The following PHF21A variants were observed in gnomAD, a reference collection of about 807,000 sequenced individuals.
PHF21A encodes BHC80a.
Under a neutral mutation model 82.5 loss-of-function variants are expected in PHF21A, and 11 were observed. That is an observed-to-expected ratio of 0.13 (90% confidence interval 0.08 to 0.22). The LOEUF is 0.22. PHF21A is among the 10% of genes least tolerant of loss of function. The pLI is 1.00. For synonymous variants in PHF21A, 297 were observed against 302.8 expected (o/e 0.98, Z 0.20); for missense variants, 579 against 837.8 (o/e 0.69, Z 3.81).
At chr11:45,970,907 T>C (rs573628970) in intron 8 of PHF21A, 108 of 579,508 alleles carry the variant, frequency 1.9e-4, no homozygotes, top group South Asian at 3.8e-4. Flanking sequence ...ATGCACTGAA[T>C]TTAGTCCTTG....
At chr11:46,051,772 G>C (rs1225838138) in intron 6 of PHF21A, among the ~76,000 whole-genome samples, 1 of 152,194 alleles carries the variant, frequency 6.6e-6, no homozygotes, top group Non-Finnish European at 1.5e-5. Flanking sequence ...ATTGGATGAA[G>C]GAATGGACTT....
intron 6 of PHF21A, among the ~76,000 whole-genome samples, chr11:46,043,669 C>T (rs1246574374): frequency 1.3e-5 from 2 of 151,990 alleles, no homozygotes; most frequent in African/African-American, 2.4e-5. Context: ...AAGTCAGCAG[C>T]TTTTTCCTTC....
chr11:45,971,167 A>G lies in PHF21A; in HGVS notation c.561T>C (p.Thr187=), dbSNP rs2093718678. The change falls in exon 8 of 19, where the codon ACT becomes ACC. Residue 187 remains threonine (T), a synonymous_variant. Transcript: ENST00000676320. ...TTTGGACAGCCTCTGCCCCAGGCCCAGTGACCTTACTAGACGTCTGGAGGT... is the reference window on the plus strand; with the variant it reads ...TTTGGACAGCCTCTGCCCCAGGCCCGGTGACCTTACTAGACGTCTGGAGGT... ...PVNLQTSSKV[T]GPGAEAVQIV... 2.5e-6 allele frequency: 4 copies of G among 1,614,222 alleles called. No individual in the cohort carries two copies. Among genetic ancestry groups the G allele is most frequent in the Non-Finnish European group, 3.4e-6 (4 of 1,180,030 alleles).
chr11:46,059,627 GGT>G (rs1370859321), intron 6 of PHF21A, among the ~76,000 whole-genome samples: 1 of 151,844 alleles, frequency 6.6e-6, no homozygotes, highest in Non-Finnish European at 1.5e-5. Flanking sequence ...ATGTTGCCAT[GGT>G]GCCTAGGTTG....
rs543078640 is a variant in PHF21A, at chr11:45,943,103, C to A, written c.1452+2737G>T. ...ATCTCTGCTTCTTCCAAGCTATCATCATCATCATCTTTCTTTCCTTTTTTT... is the reference window on the plus strand; with the variant it reads ...ATCTCTGCTTCTTCCAAGCTATCATAATCATCATCTTTCTTTCCTTTTTTT... On this transcript the variant is annotated intron_variant, in intron 15 of 18. Transcript: ENST00000676320. 3.7e-4 allele frequency among the ~76,000 whole-genome samples: 55 copies of A among 148,164 alleles called. 2 individuals carry two copies. The highest frequency in any genetic ancestry group is 3.5e-3 in the Admixed American group (51 of 14,636).
chr11:45,949,343 G>T, intron 13 of PHF21A, 59 bp downstream of exon 13: 1 of 1,403,860 alleles, frequency 7.1e-7, no homozygotes, highest in Non-Finnish European at 1.0e-6. Flanking sequence ...GGGAGGCACT[G>T]AACAGCTCAT....
At chr11:46,099,014 C>T (rs566750621) in intron 1 of PHF21A, among the ~76,000 whole-genome samples, 2 of 152,122 alleles carry the variant, frequency 1.3e-5, no homozygotes, top group South Asian at 4.1e-4. Flanking sequence ...AAGGTCAATG[C>T]TAGATACCAG....
intron 1 of PHF21A, among the ~76,000 whole-genome samples, chr11:46,107,368 A>G (rs1028399924): frequency 2.0e-5 from 3 of 152,222 alleles, no homozygotes; most frequent in Non-Finnish European, 4.4e-5. Flanking sequence ...TCTGTACACT[A>G]TTAGACTAGA....
Position 46,079,675 on chromosome 11 carries a change from G to A in PHF21A, c.55-509C>T, listed in dbSNP as rs141622916. Among the ~76,000 whole-genome samples the A allele has an allele frequency of 2.5e-4, 38 of 152,254 alleles. No homozygotes were observed. The East Asian group carries it at 6.7e-3, about 27-fold the overall frequency. On this transcript the variant is annotated intron_variant, in intron 4 of 18. Coordinates refer to ENST00000676320, the MANE Select transcript of PHF21A (RefSeq NM_001352027.3). ...TCAAGAAGGAGTTCGGTGCAGGGGA[G>A]GATAAGTTCAGTGGGGCAGTGATGC... is the stretch of plus-strand genomic sequence containing the variant.
intron 6 of PHF21A, among the ~76,000 whole-genome samples, chr11:46,031,490 C>A (rs1166096704): frequency 1.3e-5 from 2 of 152,084 alleles, no homozygotes; most frequent in Non-Finnish European, 2.9e-5. Flanking sequence ...AACAGGAACC[C>A]AAAGATAGTA....
At chr11:46,049,199 A>C (rs1052581857) in intron 6 of PHF21A, among the ~76,000 whole-genome samples, 2 of 152,200 alleles carry the variant, frequency 1.3e-5, no homozygotes, top group African/African-American at 4.8e-5. Context: ...ACACAAACTA[A>C]TGTTGTTCCC....
chr11:45,999,443 A>C (rs2095039858), intron 6 of PHF21A, among the ~76,000 whole-genome samples: 1 of 152,256 alleles, frequency 6.6e-6, no homozygotes, highest in Admixed American at 6.5e-5. Context: ...AATAGCACAT[A>C]GTATATACTT....
At chr11:45,967,706 T>C (rs912059442) in intron 9 of PHF21A, among the ~76,000 whole-genome samples, 4 of 152,212 alleles carry the variant, frequency 2.6e-5, no homozygotes, top group African/African-American at 9.6e-5. Context: ...TCCTGTATCA[T>C]TCCAAGTAGA....
At chr11:46,074,435 C>T (rs1350562356) in intron 6 of PHF21A, among the ~76,000 whole-genome samples, 1 of 147,740 alleles carries the variant, frequency 6.8e-6, no homozygotes, top group African/African-American at 2.5e-5. Context: ...TAGGTTCTGC[C>T]AGAGGATAAG....
intron 6 of PHF21A, among the ~76,000 whole-genome samples, chr11:46,031,561 C>A (rs991532599): frequency 2.0e-5 from 3 of 152,084 alleles, no homozygotes; most frequent in African/African-American, 4.8e-5. Context: ...GCAGCCGGTA[C>A]GAATTCATTC....
At chr11:46,065,922 A>G (rs998980714) in intron 6 of PHF21A, among the ~76,000 whole-genome samples, 2 of 152,262 alleles carry the variant, frequency 1.3e-5, no homozygotes, top group African/African-American at 2.4e-5. Context: ...GGCTCACAGA[A>G]GAGAAACCAC....
intron 6 of PHF21A, among the ~76,000 whole-genome samples, chr11:46,035,283 A>T (rs1381937926): frequency 6.6e-6 from 1 of 152,126 alleles, no homozygotes; most frequent in Non-Finnish European, 1.5e-5. Flanking sequence ...TTCTCTACTG[A>T]TCTGAAATAT....
At chr11:45,983,887 A>C (rs1489723455) in intron 6 of PHF21A, among the ~76,000 whole-genome samples, 4 of 152,006 alleles carry the variant, frequency 2.6e-5, no homozygotes, top group Non-Finnish European at 5.9e-5. Context: ...TCCCTATATA[A>C]AGGATATCCT....
chr11:46,049,626 A>T (rs570741350), intron 6 of PHF21A: 1 of 387,354 alleles, frequency 2.6e-6, no homozygotes, highest in South Asian at 1.9e-5. Context: ...CTGTCACAGC[A>T]CTCTCCTTGC....
Sources: gnomAD v4.1 joint callset for allele counts (sites outside exome capture counted in the v4.1 genomes callset) on GRCh38, gnomAD v4.1.1 for gene constraint, MANE v1.5 for transcripts, NCBI Gene and HGNC (gene_info 2026-07-23, HGNC 2026-07-21) for gene names.